Variants in WDR20 observed in about 807,000 individuals in gnomAD.
WDR20 encodes the protein WD repeat-containing protein 20.
A neutral mutation model predicts 38.7 loss-of-function variants in WDR20; 3 were observed. The ratio of observed to expected loss-of-function variants is 0.08; its 90% CI spans 0.04 to 0.20. The LOEUF is 0.20. Ranked by LOEUF, WDR20 falls within the 10% of genes least tolerant of loss-of-function variation. WDR20 has a pLI of 1.00. For synonymous variants in WDR20, 298 were observed against 285.6 expected, an observed-to-expected ratio of 1.04 and a Z score of -0.44; for missense variants, 559 against 727.7, an observed-to-expected ratio of 0.77 and a Z score of 2.67.
At chr14:102,190,214 G>A (rs2152925351) in intron 1 of WDR20, among the ~76,000 whole-genome samples, 1 of 152,268 alleles carries the variant, frequency 6.6e-6, no homozygotes, top group Non-Finnish European at 1.5e-5. Flanking sequence ...GGGTGACTAG[G>A]ATTGGATTGG....
rs1367314821 is a variant in WDR20, at chr14:102,222,763, G to A, written c.1693-67G>A. ...TTGACCACGTGGAGCTGCTGGCGGAGGGCGCGCATGGTGGCTGTTGCCCGT... is the reference window on the plus strand; with the variant it reads ...TTGACCACGTGGAGCTGCTGGCGGAAGGCGCGCATGGTGGCTGTTGCCCGT... On this transcript the variant is annotated intron_variant, in intron 3 of 3. Coordinates refer to the WDR20 transcript ENST00000335263. This position sits in a 1 kb window ranked among gnomAD's most constrained non-coding sequence, Gnocchi z 4.4. 8 of 1,579,252 alleles carry A rather than the reference G, an allele frequency of 5.1e-6. No homozygotes were observed. The East Asian group carries it at 1.8e-4, about 35-fold the overall frequency.
At chr14:102,164,313 C>G (rs1278269886) in intron 1 of WDR20, among the ~76,000 whole-genome samples, 1 of 152,008 alleles carries the variant, frequency 6.6e-6, no homozygotes, top group Non-Finnish European at 1.5e-5. Flanking sequence ...CACTCCAGTT[C>G]CCGCCATCAT....
chr14:102,216,311 C>A (rs542702457), downstream of WDR20, among the ~76,000 whole-genome samples: 3 of 152,166 alleles, frequency 2.0e-5, no homozygotes, highest in Non-Finnish European at 4.4e-5. Flanking sequence ...CTGAACAGGG[C>A]GTTTTGGTTT....
intron 1 of WDR20, among the ~76,000 whole-genome samples, chr14:102,143,887 G>C (rs1407141910): frequency 1.3e-5 from 2 of 151,090 alleles, no homozygotes; most frequent in Non-Finnish European, 3.0e-5. Context: ...TTTAAAAAAA[G>C]AGATTGTGGT....
chr14:102,170,647 A>G (rs1032245689), intron 1 of WDR20, among the ~76,000 whole-genome samples: 6 of 151,142 alleles, frequency 4.0e-5, no homozygotes, highest in African/African-American at 1.5e-4. Flanking sequence ...TTAAGTTGGT[A>G]GGAGATCTCT....
chr14:102,207,075 A>G lies in WDR20; in HGVS notation c.433-1528A>G, dbSNP rs930505830. ...TAAAGAGGAGGTGGGGGATGAAAAT[A>G]CTGGCTGTGTCCCCAAGGCTGGCTT... On this transcript the variant is annotated intron_variant, in intron 2 of 2. Coordinates refer to ENST00000342702, the MANE Select transcript of WDR20 (RefSeq NM_144574.4). The surrounding 1 kb of genome is among the most constrained non-coding windows in gnomAD (Gnocchi z 5.0). Among the ~76,000 whole-genome samples the G allele has an allele frequency of 6.6e-6, 1 of 152,214 alleles. No homozygotes were observed. Among genetic ancestry groups the G allele is most frequent in the South Asian group, 2.1e-4 (1 of 4,826 alleles).
chr14:102,211,550 T>C (rs1163508466), downstream of WDR20, among the ~76,000 whole-genome samples: 2 of 152,188 alleles, frequency 1.3e-5, no homozygotes, highest in South Asian at 2.1e-4. The surrounding 1 kb of genome is among the most constrained non-coding windows in gnomAD (Gnocchi z 4.2). Context: ...TTCAGGTGCA[T>C]CTCTCCTGGC....
chr14:102,209,054 G>A lies in WDR20; in HGVS notation c.884G>A (p.Arg295Gln), dbSNP rs1318638231. 8.7e-6 allele frequency: 14 copies of A among 1,614,010 alleles called. No homozygotes were observed. Among genetic ancestry groups the A allele is most frequent in the Admixed American group, 1.7e-5 (1 of 59,998 alleles). ...LVTVWSFVDC[R>Q]VIARGHGHKS... Reference sequence around the variant, plus strand: ...ACAGTCTGGTCCTTTGTAGACTGCCGAGTAATAGCCAGAGGCCACGGGCAC... The same window carrying A: ...ACAGTCTGGTCCTTTGTAGACTGCCAAGTAATAGCCAGAGGCCACGGGCAC... The change falls in exon 3 of 3, where the codon CGA becomes CAA. Residue 295 changes from arginine to glutamine, a missense_variant. Arg to Gln is a conservative substitution (Grantham distance 43). Transcript: ENST00000342702. This position sits in a 1 kb window ranked among gnomAD's most constrained non-coding sequence, Gnocchi z 6.0.
chr14:102,222,942 G>A lies in WDR20; in HGVS notation c.*59G>A, dbSNP rs1264712029. ...CTTGGACTCGAGGGAGTGACGAGGAGGAGCTCCGAGCTGCGCCTGAGCCGT... is the reference window on the plus strand; with the variant it reads ...CTTGGACTCGAGGGAGTGACGAGGAAGAGCTCCGAGCTGCGCCTGAGCCGT... On this transcript the variant is annotated 3_prime_UTR_variant, in exon 4 of 4. Coordinates refer to the WDR20 transcript ENST00000335263. This position sits in a 1 kb window ranked among gnomAD's most constrained non-coding sequence, Gnocchi z 4.4. The A allele has an allele frequency of 3.1e-6, 5 of 1,605,704 alleles. No individual in the cohort carries two copies. The East Asian group carries it at 1.1e-4, about 36-fold the overall frequency.
rs912009835 is a variant in WDR20 at position 102,222,988 on chromosome 14, C to T, written c.*105C>T. On this transcript the variant is annotated 3_prime_UTR_variant, in exon 4 of 4. Coordinates refer to the WDR20 transcript ENST00000335263. The surrounding 1 kb of genome is among the most constrained non-coding windows in gnomAD (Gnocchi z 4.4). ...GCCGTGCCAGCCGGCGGACCTCAGGCGGTGGACGTCGGCGATAGCCGTGTG... is the reference window on the plus strand; with the variant it reads ...GCCGTGCCAGCCGGCGGACCTCAGGTGGTGGACGTCGGCGATAGCCGTGTG... 74 of 1,371,848 alleles carry T rather than the reference C, an allele frequency of 5.4e-5. No homozygotes were observed. Among genetic ancestry groups the T allele is most frequent in the Middle Eastern group, 2.4e-4 (1 of 4,218 alleles). The allele number at this position is 1,371,848 out of a possible 1,614,324, so 85.0% of individuals were successfully genotyped here. A position where few individuals can be genotyped will look rare whatever the true frequency, so the allele number is the denominator to read the frequency against.
At chr14:102,223,926 C>A (rs184658192), downstream of WDR20, among the ~76,000 whole-genome samples, 1 of 152,132 alleles carries the variant, frequency 6.6e-6, no homozygotes, top group Non-Finnish European at 1.5e-5. Context: ...CGTTTCCATA[C>A]AACTCCGAGT....
At chr14:102,211,828 A>G (rs1171214357), downstream of WDR20, among the ~76,000 whole-genome samples, 1 of 152,142 alleles carries the variant, frequency 6.6e-6, no homozygotes, top group African/African-American at 2.4e-5. This position sits in a 1 kb window ranked among gnomAD's most constrained non-coding sequence, Gnocchi z 4.2. Flanking sequence ...AAAATTCAGG[A>G]CTTAGTATTT....
chr14:102,214,321 C>T (rs116298482), downstream of WDR20: 1,075 of 985,436 alleles, frequency 1.1e-3, 11 homozygotes, highest in African/African-American at 0.017. Context: ...TAACAAGGTG[C>T]ACATCACAGC....
At chr14:102,219,198 A>G (rs2063594950), downstream of WDR20, among the ~76,000 whole-genome samples, 1 of 152,238 alleles carries the variant, frequency 6.6e-6, no homozygotes, top group African/African-American at 2.4e-5. Flanking sequence ...ACTGAATCAC[A>G]GGCAGATAGA....
chr14:102,205,804 G>GTT (rs75426082), intron 2 of WDR20, among the ~76,000 whole-genome samples: 5 of 140,160 alleles, frequency 3.6e-5, no homozygotes, highest in Admixed American at 7.1e-5. Context: ...TCCAAGGTCG[G>GTT]TTTTTTTTTT....
Position 102,208,504 on chromosome 14 carries a change from T to C in WDR20, c.433-99T>C. The C allele has an allele frequency of 6.9e-7, 1 of 1,457,578 alleles. No individual in the cohort carries two copies. The highest frequency in any genetic ancestry group is 1.4e-5 in the South Asian group (1 of 70,214). The allele number at this position is 1,457,578 out of a possible 1,614,324, so 90.3% of individuals were successfully genotyped here. ...TAAAATGTGGAGGGCCTGGATAGAC[T>C]TGCCCCTTCCCATCGAGAAGCACAC... On this transcript the variant is annotated intron_variant, in intron 2 of 2. Coordinates refer to ENST00000342702, the MANE Select transcript of WDR20 (RefSeq NM_144574.4). The surrounding 1 kb of genome is among the most constrained non-coding windows in gnomAD (Gnocchi z 5.6).
chr14:102,222,770 C>T lies in WDR20; in HGVS notation c.1693-60C>T. The stretch of plus-strand genomic sequence containing the variant: ...CGTGGAGCTGCTGGCGGAGGGCGCG[C>T]ATGGTGGCTGTTGCCCGTCCGGTGT... On this transcript the variant is annotated intron_variant, in intron 3 of 3. Transcript: ENST00000335263. The surrounding 1 kb of genome is among the most constrained non-coding windows in gnomAD (Gnocchi z 4.4). 6.3e-7 allele frequency: 1 copy of T among 1,595,820 alleles called. No homozygotes were observed. Among genetic ancestry groups the T allele is most frequent in the East Asian group, 2.2e-5 (1 of 44,776 alleles).
upstream of WDR20, chr14:102,139,816 G>A: frequency 1.3e-6 from 2 of 1,504,640 alleles, no homozygotes; most frequent in Non-Finnish European, 1.8e-6. Context: ...GGGTGGGAGG[G>A]GCGAGAAGGA....
chr14:102,169,365 G>T (rs2060384997), intron 1 of WDR20, among the ~76,000 whole-genome samples: 1 of 152,188 alleles, frequency 6.6e-6, no homozygotes, highest in East Asian at 1.9e-4. Flanking sequence ...TGTTCTTCAT[G>T]TTCCTTGCTG....
Sources: allele counts gnomAD v4.1 joint callset (sites outside exome capture counted in the v4.1 genomes callset), GRCh38; gene constraint gnomAD v4.1.1; non-coding constraint Gnocchi (gnomAD v3.1); transcripts MANE v1.5; gene names NCBI Gene and HGNC (gene_info 2026-07-23, HGNC 2026-07-21).